ANO1: variants seen among roughly 807,000 people sequenced by gnomAD.
ANO1 encodes anoctamin 1, also known as anoctamin-1.
Under a neutral mutation model 124.0 loss-of-function variants are expected in ANO1, and 59 were observed. The ratio of observed to expected loss-of-function variants is 0.48; its 90% CI spans 0.39 to 0.59. The LOEUF (loss-of-function observed/expected upper bound fraction) is 0.59. Among genes scored for constraint, ANO1 ranks in the 20% least tolerant of loss-of-function variants. ANO1 has a pLI of 0.00. For missense variants in ANO1, 1,059 were observed against 1,328.0 expected, an observed-to-expected ratio of 0.80 and a Z score of 3.15; for synonymous variants, 529 against 532.0, an observed-to-expected ratio of 0.99 and a Z score of 0.08.
chr11:70,059,067 C>T (rs2135103739), intron 1 of ANO1, among the ~76,000 whole-genome samples: 1 of 151,906 alleles, frequency 6.6e-6, no homozygotes, highest in African/African-American at 2.4e-5. Context: ...TGGCGGGCGC[C>T]TGCAGTCCCA....
chr11:69,970,634 CAA>C, the ANO1 span, among the ~76,000 whole-genome samples: 1 of 152,208 alleles, frequency 6.6e-6, no homozygotes, highest in East Asian at 1.9e-4. Flanking sequence ...GGGAGGAGTT[CAA>C]ATGTGGCCTC....
At chr11:70,082,750 C>A (rs1420185476) in intron 1 of ANO1, among the ~76,000 whole-genome samples, 1 of 152,114 alleles carries the variant, frequency 6.6e-6, no homozygotes, top group Non-Finnish European at 1.5e-5. Context: ...TTGTCCCGTT[C>A]TACACAAGAA....
intron 2 of ANO1, among the ~76,000 whole-genome samples, chr11:70,095,279 G>GGAAGGAAA (rs1555017297): frequency 3.1e-5 from 3 of 95,558 alleles, no homozygotes; most frequent in African/African-American, 1.4e-4. Flanking sequence ...AAGGAAGGAA[G>GGAAGGAAA]GAAGGAAGGA....
At chr11:70,004,662 G>A (rs918837494) in intron 1 of ANO1, among the ~76,000 whole-genome samples, 5 of 152,236 alleles carry the variant, frequency 3.3e-5, no homozygotes, top group African/African-American at 1.2e-4. Flanking sequence ...AAAATATCGT[G>A]GAGCAATGGA....
intron 7 of ANO1, among the ~76,000 whole-genome samples, chr11:70,115,647 A>C (rs1477250832): frequency 2.6e-5 from 4 of 151,932 alleles, no homozygotes; most frequent in Non-Finnish European, 5.9e-5. Flanking sequence ...AACAAACAAA[A>C]AAAACTATTA....
intron 1 of ANO1, among the ~76,000 whole-genome samples, chr11:70,000,775 T>G (rs7112673): frequency 0.49 from 74,507 of 151,854 alleles, 19,449 homozygotes; most frequent in East Asian, 0.89. Flanking sequence ...ACTCAGACAC[T>G]AGGATGGATG....
chr11:70,087,051 C>T (rs1448780829), intron 1 of ANO1, among the ~76,000 whole-genome samples: 1 of 152,252 alleles, frequency 6.6e-6, no homozygotes, highest in Non-Finnish European at 1.5e-5. Context: ...AGCCCCTATC[C>T]ATGTGCATGG....
At chr11:70,174,348 A>G (rs1428619944) in intron 22 of ANO1, among the ~76,000 whole-genome samples, 1 of 151,512 alleles carries the variant, frequency 6.6e-6, no homozygotes, top group East Asian at 2.0e-4. Flanking sequence ...GTGAGCCGAG[A>G]TCGCACCACT....
At chr11:69,974,643 C>T in the ANO1 span, among the ~76,000 whole-genome samples, 1 of 152,196 alleles carries the variant, frequency 6.6e-6, no homozygotes, top group African/African-American at 2.4e-5. Context: ...AGCACCTGCT[C>T]AGTGTACCTC....
upstream of ANO1, among the ~76,000 whole-genome samples, chr11:70,073,782 C>G (rs555132961): frequency 2.0e-5 from 3 of 152,210 alleles, no homozygotes; most frequent in South Asian, 6.2e-4. Flanking sequence ...TCTGAAAACC[C>G]TCCTATGGAA....
chr11:70,126,716 C>G (rs148073555), intron 10 of ANO1, among the ~76,000 whole-genome samples: 1 of 151,528 alleles, frequency 6.6e-6, no homozygotes, highest in South Asian at 2.1e-4. Context: ...CCAGAGGCCT[C>G]GGTGCAGGCT....
chr11:70,142,226 C>T (rs1400696893), intron 11 of ANO1, among the ~76,000 whole-genome samples: 1 of 152,192 alleles, frequency 6.6e-6, no homozygotes, highest in Admixed American at 6.5e-5. Context: ...CTGATTTGAG[C>T]CTGGCTGCAA....
At chr11:69,992,968 A>G (rs764561768) in intron 1 of ANO1, among the ~76,000 whole-genome samples, 17 of 152,220 alleles carry the variant, frequency 1.1e-4, no homozygotes, top group South Asian at 2.1e-4. Flanking sequence ...AAGGGGACCC[A>G]CACATACAGT....
chr11:70,093,224 C>T (rs2044705985), intron 2 of ANO1, among the ~76,000 whole-genome samples: 1 of 148,468 alleles, frequency 6.7e-6, no homozygotes, highest in Non-Finnish European at 1.5e-5. Flanking sequence ...TCTCTCTCTT[C>T]CCACCTCCCT....
intron 3 of ANO1, among the ~76,000 whole-genome samples, chr11:70,103,412 A>G (rs1392343659): frequency 1.3e-5 from 2 of 152,104 alleles, no homozygotes; most frequent in African/African-American, 2.4e-5. Flanking sequence ...AACCCCACCA[A>G]GAGATGGTGC....
chr11:70,121,256 C>CCT (rs1555029206), intron 8 of ANO1, among the ~76,000 whole-genome samples: 1 of 126,456 alleles, frequency 7.9e-6, no homozygotes, highest in Non-Finnish European at 1.7e-5. Context: ...TCTGTCTCTG[C>CCT]CTCTCTCTCC....
intron 2 of ANO1, among the ~76,000 whole-genome samples, chr11:70,100,423 G>A (rs1421573315): frequency 6.6e-6 from 1 of 152,208 alleles, no homozygotes. Flanking sequence ...CCAGCGAGGA[G>A]AGGAGGCCAT....
chr11:69,979,632 G>A, the ANO1 span, among the ~76,000 whole-genome samples: 1 of 152,132 alleles, frequency 6.6e-6, no homozygotes, highest in African/African-American at 2.4e-5. Context: ...AAGTATGCGG[G>A]ACTCAGGGTC....
chr11:70,085,190 T>C (rs1185069126), intron 1 of ANO1, among the ~76,000 whole-genome samples: 1 of 152,176 alleles, frequency 6.6e-6, no homozygotes, highest in African/African-American at 2.4e-5. Flanking sequence ...GTGCTTCTCC[T>C]GCAGAAGGAA....
Sources: gnomAD v4.1 joint callset for allele counts (sites outside exome capture counted in the v4.1 genomes callset) on GRCh38, gnomAD v4.1.1 for gene constraint, MANE v1.5 for transcripts, NCBI Gene and HGNC (gene_info 2026-07-23, HGNC 2026-07-21) for gene names.